PROK1: variants seen among roughly 807,000 people sequenced by gnomAD.
The protein encoded by PROK1 is prokineticin 1.
PROK1 carries 10 observed loss-of-function variants against 8.8 expected under a neutral mutation model. The observed-to-expected ratio is 1.13, with a 90% CI of 0.70 to 1.92. The LOEUF is 1.92. PROK1 is among the 30% of genes most tolerant of loss of function. The pLI, the probability that PROK1 is intolerant of heterozygous loss-of-function variation, is 0.00. For missense variants in PROK1, 140 were observed against 139.7 expected, an observed-to-expected ratio of 1.00 and a Z score of -0.01; for synonymous variants, 57 against 56.0, an observed-to-expected ratio of 1.02 and a Z score of -0.08.
In PROK1 at chr1:110,456,813, C is replaced by A. The variant is rs1451963694; in HGVS notation, c.*462C>A. Reference sequence around the variant, plus strand: ...GCCCTTCACGTGAGGTCTGTGAGGACCAATTTGTGGGTAGTTCATCTTCCC... The same window carrying A: ...GCCCTTCACGTGAGGTCTGTGAGGAACAATTTGTGGGTAGTTCATCTTCCC... On this transcript the variant is annotated 3_prime_UTR_variant, in exon 3 of 3. Coordinates refer to ENST00000271331, the MANE Select transcript of PROK1 (RefSeq NM_032414.3). 4 of 235,408 alleles carry A rather than the reference C, an allele frequency of 1.7e-5. No homozygotes were observed. The East Asian group carries it at 3.0e-4, about 18-fold the overall frequency. 14.6% of individuals were successfully genotyped at this position (235,408 alleles called of 1,614,324 possible).
intron 1 of PROK1, among the ~76,000 whole-genome samples, chr1:110,453,755 C>G (rs1216717996): frequency 6.6e-6 from 1 of 152,352 alleles, no homozygotes; most frequent in East Asian, 1.9e-4. Flanking sequence ...AGATCCAGAT[C>G]CAATGCCCCC....
In PROK1 at chr1:110,456,521, T is replaced by C. The variant is rs1570689733; in HGVS notation, c.*170T>C. ...ACACAGGCAGACATACCTCCCATCATGACATGGTCCCCAGGCTGGCCTGAG... is the reference window on the plus strand; with the variant it reads ...ACACAGGCAGACATACCTCCCATCACGACATGGTCCCCAGGCTGGCCTGAG... On this transcript the variant is annotated 3_prime_UTR_variant, in exon 3 of 3. Coordinates refer to ENST00000271331, the MANE Select transcript of PROK1 (RefSeq NM_032414.3). 2 of 846,324 alleles carry C rather than the reference T, an allele frequency of 2.4e-6. No individual in the cohort carries two copies. Among genetic ancestry groups the C allele is most frequent in the East Asian group, 2.7e-5 (1 of 36,938 alleles). The allele number at this position is 846,324 out of a possible 1,614,324, so 52.4% of individuals were successfully genotyped here.
At position 110,451,274 on chromosome 1, in the gene PROK1, G is replaced by T; in HGVS notation, c.58G>T (p.Ala20Ser). 1 of 1,614,152 alleles carries T rather than the reference G, an allele frequency of 6.2e-7. No homozygotes were observed. Among genetic ancestry groups the T allele is most frequent in the Non-Finnish European group, 8.5e-7 (1 of 1,179,988 alleles). ...CCTCCTAGTAACTGTGTCTGACTGT[G>T]CTGTGATCACAGGGGTAAGTCGCCT... ...MLLLVTVSDC[A>S]VITGACERDV... Residue 20 changes from alanine (A) to serine (S), a missense_variant, in exon 1 of 3, where the codon GCT (alanine) becomes TCT (serine). Physicochemically the swap from Ala to Ser is moderately conservative, Grantham distance 99. Coordinates refer to ENST00000271331, the MANE Select transcript of PROK1 (RefSeq NM_032414.3).
At position 110,451,164 on chromosome 1, in the gene PROK1, A is replaced by G. The variant is rs548526757; in HGVS notation, c.-53A>G. ...CTTGCCAGGCACAAGGCTGAGCGGG[A>G]GGAAGCGAGAGGCATCTAAGCAGGC... is the stretch of plus-strand genomic sequence containing the variant. On this transcript the variant is annotated 5_prime_UTR_variant, in exon 1 of 3. Coordinates refer to ENST00000271331, the MANE Select transcript of PROK1 (RefSeq NM_032414.3). 43 of 1,556,356 alleles carry G rather than the reference A, an allele frequency of 2.8e-5. No homozygotes were observed. The East Asian group carries it at 9.2e-4, about 33-fold the overall frequency.
chr1:110,453,561 C>A (rs1181102938), intron 1 of PROK1, among the ~76,000 whole-genome samples: 1 of 152,150 alleles, frequency 6.6e-6, no homozygotes, highest in African/African-American at 2.4e-5. Flanking sequence ...CAGTACTGAC[C>A]ACCAAGGAAT....
At chr1:110,453,792 G>A (rs1156899460) in intron 1 of PROK1, among the ~76,000 whole-genome samples, 169 bp from the exon 2 acceptor site, 2 of 152,348 alleles carry the variant, frequency 1.3e-5, no homozygotes, top group Non-Finnish European at 2.9e-5. Flanking sequence ...CCCACGAGGG[G>A]AGCAAGGCAA....
rs1028937562 is a variant in PROK1, at chr1:110,456,852, T to A, written c.*501T>A. The A allele has an allele frequency of 1.9e-5, 4 of 210,522 alleles. No individual in the cohort carries two copies. Among genetic ancestry groups the A allele is most frequent in the African/African-American group, 9.1e-5 (4 of 43,820 alleles). 13.0% of individuals were successfully genotyped at this position (210,522 alleles called of 1,614,324 possible). A position where few individuals can be genotyped will look rare whatever the true frequency, so the allele number is the denominator to read the frequency against. ...GTTCATCTTCCCTCGATTGGTTAAC[T>A]CCTTAGTTTCAGACCACAGACTCAA... On this transcript the variant is annotated 3_prime_UTR_variant, in exon 3 of 3. Transcript: ENST00000271331.
At position 110,451,163 on chromosome 1, in the gene PROK1, G is replaced by A. The variant is rs1339643333; in HGVS notation, c.-54G>A. On this transcript the variant is annotated 5_prime_UTR_variant, in exon 1 of 3. Transcript: ENST00000271331. ...GCTTGCCAGGCACAAGGCTGAGCGG[G>A]AGGAAGCGAGAGGCATCTAAGCAGG... The A allele has an allele frequency of 6.4e-7, 1 of 1,555,498 alleles. No homozygotes were observed. Among genetic ancestry groups the A allele is most frequent in the Non-Finnish European group, 8.9e-7 (1 of 1,126,892 alleles).
Position 110,453,981 on chromosome 1 carries a change from G to T in PROK1, c.93G>T (p.Gln31His), listed in dbSNP as rs745897801. ...VITGACERDV[Q>H]CGAGTCCAIS... Reference sequence around the variant, plus strand: ...TACAGGCCTGTGAGCGGGATGTCCAGTGTGGGGCAGGCACCTGCTGTGCCA... The same window carrying T: ...TACAGGCCTGTGAGCGGGATGTCCATTGTGGGGCAGGCACCTGCTGTGCCA... Residue 31 changes from glutamine (Q) to histidine (H), a missense_variant, in exon 2 of 3, where the codon CAG becomes CAT. Physicochemically the swap from Gln to His is conservative, Grantham distance 24. Coordinates refer to ENST00000271331, the MANE Select transcript of PROK1 (RefSeq NM_032414.3). The T allele has an allele frequency of 6.2e-7, 1 of 1,614,232 alleles. No homozygotes were observed. The highest frequency in any genetic ancestry group is 2.2e-5 in the East Asian group (1 of 44,886).
At chr1:110,452,576 A>G (rs1422537411) in intron 1 of PROK1, among the ~76,000 whole-genome samples, 1 of 152,200 alleles carries the variant, frequency 6.6e-6, no homozygotes, top group Non-Finnish European at 1.5e-5. Context: ...GGCAGATCTG[A>G]GAGCGGCAGG....
chr1:110,457,308 C>T lies in PROK1; in HGVS notation c.*957C>T, dbSNP rs1292978545. On this transcript the variant is annotated 3_prime_UTR_variant, in exon 3 of 3. Coordinates refer to ENST00000271331, the MANE Select transcript of PROK1 (RefSeq NM_032414.3). Reference sequence around the variant, plus strand: ...GGGGCACTGATTCAGACCAGGGAGGCAACTACACACCAACCTGCTGGCTTT... The same window carrying T: ...GGGGCACTGATTCAGACCAGGGAGGTAACTACACACCAACCTGCTGGCTTT... 2.6e-5 allele frequency: 4 copies of T among 152,462 alleles called. No homozygotes were observed. Among genetic ancestry groups the T allele is most frequent in the East Asian group, 3.8e-4 (2 of 5,202 alleles). The allele number at this position is 152,462 out of a possible 1,614,324, so 9.4% of individuals were successfully genotyped here.
intron 1 of PROK1, among the ~76,000 whole-genome samples, chr1:110,452,589 A>G (rs925918788): frequency 1.3e-5 from 2 of 152,176 alleles, no homozygotes; most frequent in African/African-American, 4.8e-5. Flanking sequence ...GCGGCAGGCA[A>G]ACATTTTCAC....
chr1:110,452,510 G>C (rs938553109), intron 1 of PROK1, among the ~76,000 whole-genome samples: 1 of 152,264 alleles, frequency 6.6e-6, no homozygotes, highest in Admixed American at 6.5e-5. Flanking sequence ...CTGGATGCCA[G>C]GCTTGCCTCA....
At chr1:110,453,100 C>A (rs1459469950) in intron 1 of PROK1, among the ~76,000 whole-genome samples, 2 of 152,154 alleles carry the variant, frequency 1.3e-5, no homozygotes, top group African/African-American at 2.4e-5. Flanking sequence ...CTGAAGGTGC[C>A]CATAGGCTTT....
rs548023504 is a variant in PROK1 at position 110,453,339 on chromosome 1, A to T, written c.73-622A>T. Among the ~76,000 whole-genome samples the T allele has an allele frequency of 1.3e-4, 20 of 152,324 alleles. No individual in the cohort carries two copies. The South Asian group carries it at 3.7e-3, about 28-fold the overall frequency. On this transcript the variant is annotated intron_variant, in intron 1 of 2. Transcript: ENST00000271331. Reference sequence around the variant, plus strand: ...TTACAAATGGTACCTTCCCCAAACCAGGCAGGGCCGCTCAGCTCCTGTTCT... The same window carrying T: ...TTACAAATGGTACCTTCCCCAAACCTGGCAGGGCCGCTCAGCTCCTGTTCT...
At chr1:110,455,890 G>C (rs1664163738) in intron 2 of PROK1, among the ~76,000 whole-genome samples, 1 of 152,252 alleles carries the variant, frequency 6.6e-6, no homozygotes, top group South Asian at 2.1e-4. Flanking sequence ...CCATGGTTTT[G>C]AGCCCATAAT....
At position 110,451,171 on chromosome 1, in the gene PROK1, G is replaced by C; in HGVS notation, c.-46G>C. ...GGCACAAGGCTGAGCGGGAGGAAGC[G>C]AGAGGCATCTAAGCAGGCAGTGTTT... On this transcript the variant is annotated 5_prime_UTR_variant, in exon 1 of 3. Coordinates refer to ENST00000271331, the MANE Select transcript of PROK1 (RefSeq NM_032414.3). The C allele has an allele frequency of 6.3e-7, 1 of 1,585,028 alleles. No homozygotes were observed. Among genetic ancestry groups the C allele is most frequent in the Non-Finnish European group, 8.7e-7 (1 of 1,153,614 alleles).
At chr1:110,455,330 C>T (rs538770747) in intron 2 of PROK1, among the ~76,000 whole-genome samples, 6 of 152,326 alleles carry the variant, frequency 3.9e-5, no homozygotes, top group South Asian at 2.1e-4. Context: ...TCCTGCTCTT[C>T]GGGGACTTGC....
Position 110,456,813 on chromosome 1 carries a change from C to G in PROK1, c.*462C>G, listed in dbSNP as rs1451963694. On this transcript the variant is annotated 3_prime_UTR_variant, in exon 3 of 3. Coordinates refer to ENST00000271331, the MANE Select transcript of PROK1 (RefSeq NM_032414.3). ...GCCCTTCACGTGAGGTCTGTGAGGA[C>G]CAATTTGTGGGTAGTTCATCTTCCC... is the stretch of plus-strand genomic sequence containing the variant. 1 of 235,408 alleles carries G rather than the reference C, an allele frequency of 4.2e-6. No individual in the cohort carries two copies. The highest frequency in any genetic ancestry group is 8.5e-6 in the Non-Finnish European group (1 of 117,634). 14.6% of individuals were successfully genotyped at this position (235,408 alleles called of 1,614,324 possible).
Sources: allele counts gnomAD v4.1 joint callset (sites outside exome capture counted in the v4.1 genomes callset), GRCh38; gene constraint gnomAD v4.1.1; transcripts MANE v1.5; gene names NCBI Gene and HGNC (gene_info 2026-07-23, HGNC 2026-07-21).